Variants in CACNA1A observed in about 807,000 individuals in gnomAD.
CACNA1A encodes calcium voltage-gated channel subunit alpha1 A, also known as voltage-dependent P/Q-type calcium channel subunit alpha-1A.
In CACNA1A, 57 loss-of-function variants were observed where a neutral mutation model predicts 262.4. The ratio of observed to expected loss-of-function variants is 0.22; its 90% confidence interval spans 0.18 to 0.27. The LOEUF (loss-of-function observed/expected upper bound fraction) is 0.27, where lower values mean the gene tolerates loss of function less well. CACNA1A is among the 10% of genes least tolerant of loss of function. The pLI is 1.00. For missense variants in CACNA1A, 2,526 were observed against 3,562.8 expected, an observed-to-expected ratio of 0.71 and a Z score of 7.41; for synonymous variants, 1,431 against 1,419.3, an observed-to-expected ratio of 1.01 and a Z score of -0.18.
intron 3 of CACNA1A, among the ~76,000 whole-genome samples, chr19:13,380,531 C>T (rs1249996256): frequency 6.8e-6 from 1 of 147,864 alleles, no homozygotes; most frequent in Non-Finnish European, 1.5e-5. Context: ...TCTGTAATCC[C>T]AGCTACTCAG....
intron 1 of CACNA1A, among the ~76,000 whole-genome samples, chr19:13,492,505 C>T (rs1051372369): frequency 1.3e-5 from 2 of 152,114 alleles, no homozygotes; most frequent in African/African-American, 4.8e-5. Context: ...GCCTGACATA[C>T]AACCTTGCCA....
chr19:13,499,246 C>G (rs1444938866), intron 1 of CACNA1A, among the ~76,000 whole-genome samples: 1 of 152,102 alleles, frequency 6.6e-6, no homozygotes, highest in Middle Eastern at 3.4e-3. Context: ...TTGTCACCCA[C>G]AGAGAGAGGG....
At chr19:13,403,450 C>T (rs1207762040) in intron 3 of CACNA1A, among the ~76,000 whole-genome samples, 1 of 152,202 alleles carries the variant, frequency 6.6e-6, no homozygotes, top group African/African-American at 2.4e-5. Flanking sequence ...CCCAGACTGT[C>T]TGGTCCCTGG....
chr19:13,267,523 G>A (rs751585260), intron 24 of CACNA1A, among the ~76,000 whole-genome samples: 30 of 152,186 alleles, frequency 2.0e-4, no homozygotes, highest in Non-Finnish European at 3.2e-4. Context: ...CCAAGAGCCG[G>A]AGAAACCCCT....
chr19:13,330,572 C>T (rs564221861), intron 9 of CACNA1A, among the ~76,000 whole-genome samples: 2 of 149,450 alleles, frequency 1.3e-5, no homozygotes, highest in South Asian at 2.2e-4. Context: ...GGCCCTCAGC[C>T]ACTATTTTCC....
intron 25 of CACNA1A, chr19:13,262,236 C>A (rs2056750346): frequency 6.4e-6 from 1 of 156,470 alleles, no homozygotes; most frequent in Non-Finnish European, 1.4e-5. Flanking sequence ...ACTGGGGACC[C>A]CCAGGTGAAG....
At chr19:13,219,385 G>C (rs911013810) in intron 38 of CACNA1A, among the ~76,000 whole-genome samples, 6 of 152,132 alleles carry the variant, frequency 3.9e-5, no homozygotes, top group African/African-American at 1.4e-4. Flanking sequence ...AATAAACTGT[G>C]AGTATAAAAA....
At chr19:13,424,748 G>A (rs935423970) in intron 3 of CACNA1A, among the ~76,000 whole-genome samples, 22 of 151,810 alleles carry the variant, frequency 1.4e-4, no homozygotes, top group African/African-American at 5.1e-4. Flanking sequence ...GTGCTGAGAT[G>A]ACAGGCATAA....
intron 3 of CACNA1A, among the ~76,000 whole-genome samples, chr19:13,389,193 G>A (rs914967590): frequency 2.4e-4 from 37 of 152,268 alleles, no homozygotes; most frequent in African/African-American, 8.4e-4. Context: ...ATGAGCCACC[G>A]TGCCCGGCAA....
chr19:13,447,528 G>A (rs1568654641), intron 3 of CACNA1A, among the ~76,000 whole-genome samples: 1 of 152,156 alleles, frequency 6.6e-6, no homozygotes, highest in African/African-American at 2.4e-5. Context: ...ATATATGAAA[G>A]GGAGTTTATA....
intron 3 of CACNA1A, among the ~76,000 whole-genome samples, chr19:13,413,595 A>AG (rs57462958): frequency 7.8e-6 from 1 of 128,966 alleles, no homozygotes; most frequent in Non-Finnish European, 1.6e-5. Flanking sequence ...AAAAAAAAAA[A>AG]GGCCAGGCAC....
intron 1 of CACNA1A, among the ~76,000 whole-genome samples, chr19:13,474,628 C>T (rs528134395): frequency 6.6e-6 from 1 of 152,200 alleles, no homozygotes; most frequent in East Asian, 1.9e-4. Flanking sequence ...ACCAGCCTGG[C>T]CAATATGGTG....
At position 13,308,269 on chromosome 19, in the gene CACNA1A, G is replaced by A; in HGVS notation, c.1782-18C>T. 1 of 1,606,790 alleles carries A rather than the reference G, an allele frequency of 6.2e-7. No homozygotes were observed. On this transcript the variant is annotated intron_variant, in intron 13 of 46. Transcript: ENST00000360228. This position sits in a 1 kb window ranked among gnomAD's most constrained non-coding sequence, Gnocchi z 4.2. Reference sequence around the variant, plus strand: ...CCCAGTACCTGCCGACAGAGGCCAGGCGAGGACTCAGGCCAGGCGGGGGAG... The same window carrying A: ...CCCAGTACCTGCCGACAGAGGCCAGACGAGGACTCAGGCCAGGCGGGGGAG...
chr19:13,303,334 C>T (rs2057827355), intron 17 of CACNA1A, among the ~76,000 whole-genome samples: 1 of 152,152 alleles, frequency 6.6e-6, no homozygotes, highest in Non-Finnish European at 1.5e-5. Flanking sequence ...CCCTTCCCAC[C>T]CTCTTGGCTG....
rs201207563 is a variant in CACNA1A at position 13,264,891 on chromosome 19, T to TTTC, written c.3990-2059_3990-2058insGAA. 2.7e-3 allele frequency among the ~76,000 whole-genome samples: 407 copies of TTTC among 150,736 alleles called. 15 individuals are homozygous for TTTC. The highest frequency in any genetic ancestry group is 0.024 in the Admixed American group (363 of 15,132). On this transcript the variant is annotated intron_variant, in intron 24 of 46. Coordinates refer to ENST00000360228, the MANE Select transcript of CACNA1A (RefSeq NM_001127222.2). The stretch of plus-strand genomic sequence containing the variant: ...TTCCCTTTAATCTTTTTTTTTTTTT[T>TTTC]TGAGATGGAGTCTTGCTCTATTGCC...
intron 3 of CACNA1A, among the ~76,000 whole-genome samples, chr19:13,442,346 T>C (rs942405281): frequency 1.3e-5 from 2 of 152,140 alleles, no homozygotes; most frequent in Admixed American, 1.3e-4. Context: ...AGCCAGGGTA[T>C]TTATACACTG....
At chr19:13,208,708 C>G in intron 46 of CACNA1A, 48 bp downstream of exon 46, 1 of 1,522,718 alleles carries the variant, frequency 6.6e-7, no homozygotes, top group African/African-American at 1.4e-5. Context: ...TCTCTCCTCC[C>G]CGCCTCCCGG....
Position 13,304,622 on chromosome 19 carries a change from T to TA in CACNA1A, c.1987-739dup, listed in dbSNP as rs1222559851. Reference sequence around the variant, plus strand: ...GGGTGACAAAAAAATGTGATTTGCCTAAAAAAAAAATAGATTTTTTTTTGA... The same window carrying TA: ...GGGTGACAAAAAAATGTGATTTGCCTAAAAAAAAAAATAGATTTTTTTTTGA... On this transcript the variant is annotated intron_variant, in intron 15 of 46. Coordinates refer to ENST00000360228, the MANE Select transcript of CACNA1A (RefSeq NM_001127222.2). Among the ~76,000 whole-genome samples, 115 of 54,862 alleles carry TA rather than the reference T, an allele frequency of 2.1e-3. 1 individual carries two copies. Among genetic ancestry groups the TA allele is most frequent in the African/African-American group, 7.5e-3 (96 of 12,716 alleles). 36.0% of individuals were successfully genotyped at this position (54,862 alleles called of 152,430 possible).
intron 19 of CACNA1A, among the ~76,000 whole-genome samples, chr19:13,293,439 CTTTTTTTTTTT>C (rs974515720): frequency 1.2e-5 from 1 of 80,834 alleles, no homozygotes; most frequent in Non-Finnish European, 2.2e-5. Flanking sequence ...TCAGTTAAAT[CTTTTTTTTTTT>C]TTTTTTTTTT....
Sources: gnomAD v4.1 joint callset for allele counts (sites outside exome capture counted in the v4.1 genomes callset) on GRCh38, gnomAD v4.1.1 for gene constraint, Gnocchi (gnomAD v3.1) non-coding constraint, MANE v1.5 for transcripts, NCBI Gene and HGNC (gene_info 2026-07-23, HGNC 2026-07-21) for gene names.